The following PKD1L3 variants were observed in gnomAD, a reference collection of about 807,000 sequenced individuals.
PKD1L3 encodes polycystin-1-like protein 3.
PKD1L3 carries 239 observed loss-of-function variants against 184.1 expected under a neutral mutation model. That is an observed-to-expected ratio of 1.30 (90% CI 1.17 to 1.45). PKD1L3 has a LOEUF of 1.45. Among genes scored for constraint, PKD1L3 ranks in the 40% most tolerant of loss-of-function variants. PKD1L3 has a pLI of 0.00. For synonymous variants in PKD1L3, 996 were observed against 778.8 expected (o/e 1.28, Z -4.64); for missense variants, 2,660 against 2,067.2 (o/e 1.29, Z -5.56).
chr16:71,995,441 A>G (rs1017667746), intron 2 of PKD1L3, among the ~76,000 whole-genome samples: 17 of 151,972 alleles, frequency 1.1e-4, no homozygotes, highest in South Asian at 6.2e-4. Flanking sequence ...TTTCTGCCCT[A>G]TTTTCTCTCT....
chr16:71,932,780 CTTTTTTT>C (rs71153681), intron 28 of PKD1L3, among the ~76,000 whole-genome samples: 68 of 97,090 alleles, frequency 7.0e-4, no homozygotes, highest in African/African-American at 1.9e-3. Context: ...CGCACCTGGC[CTTTTTTT>C]TTTTTTTTTT....
Position 71,978,283 on chromosome 16 carries a change from T to G in PKD1L3, c.1499A>C (p.Gln500Pro), listed in dbSNP as rs2143707597. Residue 500 changes from glutamine to proline, a missense_variant, in exon 10 of 30, where the codon CAA becomes CCA. By Grantham distance (76) the Gln-to-Pro change is moderately conservative. Coordinates refer to ENST00000620267, the MANE Select transcript of PKD1L3 (RefSeq NM_181536.2). ...VLLSANRKLLQVHDLMEDIEI... is the reference protein window; with the variant it reads ...VLLSANRKLLPVHDLMEDIEI... ...AATGTCCTCCATTAAATCATGGACT[T>G]GGAGCAATTTACGATTAGCGCTTAG... The G allele has an allele frequency of 1.9e-6, 3 of 1,550,458 alleles. No homozygotes were observed. Among genetic ancestry groups the G allele is most frequent in the Non-Finnish European group, 8.7e-7 (1 of 1,146,180 alleles).
At chr16:71,948,384 G>A (rs1031795840) in intron 21 of PKD1L3, among the ~76,000 whole-genome samples, 2 of 151,968 alleles carry the variant, frequency 1.3e-5, no homozygotes, top group Non-Finnish European at 2.9e-5. Context: ...CAGCTGGCCT[G>A]GGATTTTTGT....
At chr16:71,952,797 C>T in intron 18 of PKD1L3, 97 bp downstream of exon 18, 2 of 1,287,450 alleles carry the variant, frequency 1.6e-6, no homozygotes, top group Non-Finnish European at 2.1e-6. Context: ...GAGGTTGCAC[C>T]ACTACACTCC....
chr16:71,977,537 T>C (rs536870996), intron 10 of PKD1L3, 70 bp from the exon 11 acceptor site: 1 of 1,085,994 alleles, frequency 9.2e-7, no homozygotes, highest in Non-Finnish European at 1.4e-6. Context: ...TTTATATTGA[T>C]AAGGTAAGGA....
intron 6 of PKD1L3, 147 bp from the exon 7 acceptor site, chr16:71,982,382 T>G: frequency 9.4e-5 from 53 of 561,918 alleles, no homozygotes; most frequent in Middle Eastern, 5.3e-4. Context: ...GCCTCCCGGG[T>G]TCAAGCAATT....
Position 71,999,681 on chromosome 16 carries a change from T to G in PKD1L3, c.295+3A>C, listed in dbSNP as rs60493669. The G allele has an allele frequency of 1.3e-6, 2 of 1,539,894 alleles. No homozygotes were observed. The highest frequency in any genetic ancestry group is 2.4e-5 in the South Asian group (2 of 82,366). ...TCATAAACACTGAACCCCAGGGTCT[T>G]ACCTGGGTATTTGTTGTCTTGATGC... On this transcript the variant is annotated splice_donor_region_variant and intron_variant, in intron 1 of 29. Coordinates refer to ENST00000620267, the MANE Select transcript of PKD1L3 (RefSeq NM_181536.2).
At chr16:71,943,088 T>C in intron 23 of PKD1L3, 64 bp from the exon 24 acceptor site, 1 of 1,316,998 alleles carries the variant, frequency 7.6e-7, no homozygotes, top group East Asian at 2.5e-5. Context: ...TCTATGTCTT[T>C]TTCATTTTTC....
At chr16:71,964,708 C>T (rs907355374) in intron 15 of PKD1L3, among the ~76,000 whole-genome samples, 8 of 151,938 alleles carry the variant, frequency 5.3e-5, no homozygotes, top group African/African-American at 1.2e-4. Context: ...AGCTCCCTAT[C>T]CCTCCTTCCA....
chr16:71,959,989 C>T (rs1230460880), intron 16 of PKD1L3, among the ~76,000 whole-genome samples: 1 of 151,990 alleles, frequency 6.6e-6, no homozygotes, highest in Admixed American at 6.6e-5. Flanking sequence ...GGCATGGTGG[C>T]ACACACCTGT....
chr16:71,976,338 CT>C (rs2039924221), intron 11 of PKD1L3, among the ~76,000 whole-genome samples: 1 of 139,052 alleles, frequency 7.2e-6, no homozygotes, highest in Non-Finnish European at 1.5e-5. Context: ...TCACGGCAAC[CT>C]CTGCCTCCCA....
At chr16:71,949,026 A>G (rs1410640015) in intron 21 of PKD1L3, among the ~76,000 whole-genome samples, 2 of 152,094 alleles carry the variant, frequency 1.3e-5, no homozygotes, top group African/African-American at 4.8e-5. Context: ...AGTACATGAA[A>G]TGGATAAAAT....
chr16:71,977,036 C>T (rs2039952130), intron 11 of PKD1L3, among the ~76,000 whole-genome samples, 200 bp downstream of exon 11: 1 of 152,224 alleles, frequency 6.6e-6, no homozygotes, highest in South Asian at 2.1e-4. Flanking sequence ...AGCCACCGCG[C>T]CCGGCCCACA....
At chr16:71,998,539 C>G in intron 1 of PKD1L3, 145 bp from the exon 2 acceptor site, 1 of 1,181,948 alleles carries the variant, frequency 8.5e-7, no homozygotes, top group South Asian at 1.9e-5. Context: ...CAATCTCTGC[C>G]TCCTGGGTTC....
At chr16:71,991,867 G>A (rs1303954640) in intron 3 of PKD1L3, among the ~76,000 whole-genome samples, 1 of 152,196 alleles carries the variant, frequency 6.6e-6, no homozygotes, top group Non-Finnish European at 1.5e-5. Context: ...AGGATGCCTG[G>A]AGTGCGGTAT....
intron 4 of PKD1L3, among the ~76,000 whole-genome samples, chr16:71,989,416 G>C (rs1418417365): frequency 6.6e-6 from 1 of 152,230 alleles, no homozygotes; most frequent in Non-Finnish European, 1.5e-5. Flanking sequence ...GCCTCCCAAA[G>C]GGCTGGGATT....
chr16:71,934,063 G>C lies in PKD1L3; in HGVS notation c.4676C>G (p.Pro1559Arg). 6.4e-7 allele frequency: 1 copy of C among 1,551,918 alleles called. No individual in the cohort carries two copies. Among genetic ancestry groups the C allele is most frequent in the Non-Finnish European group, 8.7e-7 (1 of 1,147,044 alleles). The change falls in exon 27 of 30, where the codon CCG becomes CGG. Residue 1559 changes from proline (P) to arginine (R), a missense_variant. Coordinates refer to ENST00000620267, the MANE Select transcript of PKD1L3 (RefSeq NM_181536.2). ...TAACTGAACAGTTGCCAGGAGAACC[G>C]GGAAGCCCACAAGGTGAGTCGCAGC... Reference protein sequence around the residue: ...NSAATHLVGFPVLLATVQLWN... With the variant: ...NSAATHLVGFRVLLATVQLWN...
chr16:71,941,394 A>G (rs1252075068), intron 24 of PKD1L3, among the ~76,000 whole-genome samples: 1 of 152,082 alleles, frequency 6.6e-6, no homozygotes, highest in African/African-American at 2.4e-5. Flanking sequence ...CAGATATTAG[A>G]TGAAAAAGAT....
chr16:71,979,896 A>G lies in PKD1L3; in HGVS notation c.1288T>C (p.Leu430=). The change falls in exon 9 of 30, where the codon TTA becomes CTA. Residue 430 remains leucine (L), a synonymous_variant. Coordinates refer to ENST00000620267, the MANE Select transcript of PKD1L3 (RefSeq NM_181536.2). ...CCCAGAGTGTAAGAGCTCAGCGGTA[A>G]AGTTGATATGTTTTGTCTAATGAGA... ...LLLSRQNIST[L]PLSSYTLGHP... 1 of 1,549,760 alleles carries G rather than the reference A, an allele frequency of 6.5e-7. No individual in the cohort carries two copies.
Sources: allele counts gnomAD v4.1 joint callset (sites outside exome capture counted in the v4.1 genomes callset), GRCh38; gene constraint gnomAD v4.1.1; transcripts MANE v1.5; gene names NCBI Gene and HGNC (gene_info 2026-07-23, HGNC 2026-07-21).